The following SCN11A variants were observed in gnomAD, a reference collection of about 807,000 sequenced individuals.
SCN11A encodes the protein sodium channel protein type 11 subunit alpha.
SCN11A carries 122 observed loss-of-function variants against 162.2 expected under a neutral mutation model. That is an observed-to-expected ratio of 0.75 (90% CI 0.65 to 0.87). SCN11A has a LOEUF of 0.87. Among genes scored for constraint, SCN11A ranks in the 40% least tolerant of loss-of-function variants. SCN11A has a pLI of 0.00. For missense variants in SCN11A, 2,015 were observed against 2,181.6 expected (o/e 0.92, Z 1.52); for synonymous variants, 758 against 751.5 (o/e 1.01, Z -0.14).
At chr3:39,050,208 T>C (rs2032294441) in intron 1 of SCN11A, among the ~76,000 whole-genome samples, 1 of 152,236 alleles carries the variant, frequency 6.6e-6, no homozygotes, top group Admixed American at 6.5e-5. Flanking sequence ...TCTCAGTTCC[T>C]GTAATGTTCC....
rs113872216 is a variant in SCN11A at position 39,045,578 on chromosome 3, C to A, written c.-404+6283G>T. On this transcript the variant is annotated intron_variant, in intron 1 of 29. Coordinates refer to ENST00000302328, the MANE Select transcript of SCN11A (RefSeq NM_001349253.2). ...TCTTAATCAATGCAGAAAAGGCATTCGATAAAATTCAACATCCTTTCATGA... is the reference window on the plus strand; with the variant it reads ...TCTTAATCAATGCAGAAAAGGCATTAGATAAAATTCAACATCCTTTCATGA... Among the ~76,000 whole-genome samples, 952 of 152,118 alleles carry A rather than the reference C, an allele frequency of 6.3e-3. 7 individuals carry two copies. Among genetic ancestry groups the A allele is most frequent in the Admixed American group, 9.6e-3 (146 of 15,280 alleles).
At position 38,905,312 on chromosome 3, in the gene SCN11A, G is replaced by A. The variant is rs1194608779; in HGVS notation, c.1483C>T (p.Leu495=). 3 of 1,613,598 alleles carry A rather than the reference G, an allele frequency of 1.9e-6. No homozygotes were observed. The highest frequency in any genetic ancestry group is 2.5e-6 in the Non-Finnish European group (3 of 1,179,698). ...TGGGACAGTCGTTTGGTTTGCTCTA[G>A]GAGCTGTGGCTGTAAGAGAAGGCAT... ...DEDCQKKPQL[L]EQTKRLSQNL... The change falls in exon 15 of 30, where the codon CTA becomes TTA. Residue 495 remains leucine (L), a synonymous_variant. Coordinates refer to ENST00000302328, the MANE Select transcript of SCN11A (RefSeq NM_001349253.2).
At chr3:38,867,489 A>G in intron 26 of SCN11A, 31 bp from the exon 27 acceptor site, 1 of 1,550,994 alleles carries the variant, frequency 6.4e-7, no homozygotes, top group Middle Eastern at 1.7e-4. Flanking sequence ...AAGAGAAAAA[A>G]ACAATTACTG....
At chr3:38,950,560 G>C (rs2066597695) in intron 4 of SCN11A, 191 bp from the exon 5 acceptor site, 1 of 595,844 alleles carries the variant, frequency 1.7e-6, no homozygotes, top group Non-Finnish European at 2.9e-6. Context: ...GGTATAGCAG[G>C]AACTTTTGGC....
chr3:38,882,019 GTAA>G (rs2065317812), intron 22 of SCN11A, among the ~76,000 whole-genome samples: 1 of 152,172 alleles, frequency 6.6e-6, no homozygotes, highest in African/African-American at 2.4e-5. Flanking sequence ...CTACACTTGA[GTAA>G]CAGTAGACAG....
chr3:38,889,752 A>G (rs1263114111), intron 19 of SCN11A, among the ~76,000 whole-genome samples: 1 of 151,648 alleles, frequency 6.6e-6, no homozygotes, highest in Non-Finnish European at 1.5e-5. Context: ...GTGAGCGGAG[A>G]TCATGCCACT....
In SCN11A at chr3:38,921,093, C is replaced by G; in HGVS notation, c.875G>C (p.Ser292Thr). ...GTATTTACCATAAGCTTCCGGGTTA[C>G]TGATATTTTTACAGTCCCTCGAGAT... ...KCISRDCKNI[S>T]NPEAYDHCFE... The change falls in exon 10 of 30, where the codon AGT (serine) becomes ACT (threonine). Residue 292 changes from serine (S) to threonine (T), a missense_variant. Coordinates refer to ENST00000302328, the MANE Select transcript of SCN11A (RefSeq NM_001349253.2). 6.2e-7 allele frequency: 1 copy of G among 1,614,004 alleles called. No homozygotes were observed. Among genetic ancestry groups the G allele is most frequent in the Non-Finnish European group, 8.5e-7 (1 of 1,179,910 alleles).
chr3:38,921,268 A>C lies in SCN11A; in HGVS notation c.713-13T>G. On this transcript the variant is annotated splice_polypyrimidine_tract_variant and intron_variant, in intron 9 of 29. Transcript: ENST00000302328. ...ATGACCTTCAGACCTGAGAAAGAGG[A>C]CAGGCTTGGGGAGAAGCCCATCCCC... 1 of 1,612,754 alleles carries C rather than the reference A, an allele frequency of 6.2e-7. No individual in the cohort carries two copies. The highest frequency in any genetic ancestry group is 8.5e-7 in the Non-Finnish European group (1 of 1,179,382).
At chr3:38,906,096 C>A (rs1203181149) in intron 14 of SCN11A, among the ~76,000 whole-genome samples, 2 of 152,204 alleles carry the variant, frequency 1.3e-5, no homozygotes, top group African/African-American at 4.8e-5. Context: ...GAGAACTGAT[C>A]ATAGCAGTGG....
At chr3:38,860,994 A>G (rs1244872726) in intron 28 of SCN11A, among the ~76,000 whole-genome samples, 1 of 152,144 alleles carries the variant, frequency 6.6e-6, no homozygotes. Context: ...AGAAAACCCT[A>G]AAGACTCATC....
At chr3:38,966,361 G>A (rs930373637) in intron 2 of SCN11A, among the ~76,000 whole-genome samples, 2 of 152,130 alleles carry the variant, frequency 1.3e-5, no homozygotes, top group African/African-American at 4.8e-5. Flanking sequence ...TATCATTATA[G>A]ATCATTCATT....
intron 11 of SCN11A, among the ~76,000 whole-genome samples, chr3:38,917,027 C>T (rs1447458097): frequency 6.6e-6 from 1 of 152,136 alleles, no homozygotes; most frequent in Non-Finnish European, 1.5e-5. Context: ...GAGAGATGTG[C>T]TGGCACATAA....
At position 38,921,222 on chromosome 3, in the gene SCN11A, G is replaced by A. The variant is rs1243063964; in HGVS notation, c.746C>T (p.Ser249Phe). Residue 249 changes from serine to phenylalanine, a missense_variant, in exon 10 of 30, where the codon TCT becomes TTT. Physicochemically the swap from Ser to Phe is radical, Grantham distance 155 (BLOSUM62 -2). Coordinates refer to ENST00000302328, the MANE Select transcript of SCN11A (RefSeq NM_001349253.2). Reference protein sequence around the residue: ...LKVIVGALLRSVKKLVNVIIL... With the variant: ...LKVIVGALLRFVKKLVNVIIL... ...AATCACGTTGACCAGCTTCTTCACA[G>A]AGCGTAGCAAGGCCCCCACGATGAC... The A allele has an allele frequency of 6.2e-7, 1 of 1,613,950 alleles. No homozygotes were observed. The highest frequency in any genetic ancestry group is 1.3e-5 in the African/African-American group (1 of 74,932).
At chr3:38,905,415 A>C in intron 14 of SCN11A, 94 bp from the exon 15 acceptor site, 3 of 1,434,458 alleles carry the variant, frequency 2.1e-6, no homozygotes, top group Admixed American at 2.3e-5. Flanking sequence ...CATGTAATGA[A>C]AGTGCTCAAC....
At chr3:39,038,393 G>T (rs17038358) in intron 1 of SCN11A, among the ~76,000 whole-genome samples, 4,397 of 152,260 alleles carry the variant, frequency 0.029, 214 homozygotes, top group African/African-American at 0.1. Context: ...GACACATACA[G>T]TGAGGAATTC....
intron 17 of SCN11A, among the ~76,000 whole-genome samples, chr3:38,898,029 G>C (rs1208119705): frequency 1.3e-5 from 2 of 152,098 alleles, no homozygotes; most frequent in Non-Finnish European, 2.9e-5. Flanking sequence ...GAGCACAGGA[G>C]AGTTCAAGAC....
At chr3:39,047,680 G>T (rs1267825343) in intron 1 of SCN11A, among the ~76,000 whole-genome samples, 1 of 148,650 alleles carries the variant, frequency 6.7e-6, no homozygotes, top group African/African-American at 2.6e-5. Context: ...CAACTCAATA[G>T]CAAAAAAAAC....
chr3:38,958,178 G>A (rs1039201364), intron 3 of SCN11A, among the ~76,000 whole-genome samples: 10 of 152,226 alleles, frequency 6.6e-5, no homozygotes, highest in Non-Finnish European at 1.3e-4. Flanking sequence ...TGACCCACAT[G>A]TAGCCCCCCA....
At chr3:38,862,394 A>G (rs1340715958) in intron 28 of SCN11A, among the ~76,000 whole-genome samples, 1 of 152,148 alleles carries the variant, frequency 6.6e-6, no homozygotes, top group Non-Finnish European at 1.5e-5. Context: ...CTAGGTACCT[A>G]CCCAAAGGAA....
Sources: allele counts gnomAD v4.1 joint callset (sites outside exome capture counted in the v4.1 genomes callset), GRCh38; gene constraint gnomAD v4.1.1; transcripts MANE v1.5; gene names NCBI Gene and HGNC (gene_info 2026-07-23, HGNC 2026-07-21).